Variants in CPPED1 observed in about 807,000 individuals in gnomAD.
CPPED1 encodes the protein serine/threonine-protein phosphatase CPPED1.
A neutral mutation model predicts 28.0 loss-of-function variants in CPPED1; 28 were observed. That is an observed-to-expected ratio of 1.00 (90% CI 0.74 to 1.37). The LOEUF (loss-of-function observed/expected upper bound fraction) is 1.37. Among genes scored for constraint, CPPED1 ranks in the 40% most tolerant of loss-of-function variants. CPPED1 has a pLI of 0.00. For synonymous variants in CPPED1, 198 were observed against 180.2 expected (o/e 1.10, Z -0.79); for missense variants, 504 against 416.5 (o/e 1.21, Z -1.83).
intron 3 of CPPED1, among the ~76,000 whole-genome samples, chr16:12,673,056 A>G (rs1439200458): frequency 6.6e-6 from 1 of 152,104 alleles, no homozygotes; most frequent in East Asian, 1.9e-4. Flanking sequence ...AAAAAGAAAC[A>G]TTAGGGCAAC....
intron 3 of CPPED1, among the ~76,000 whole-genome samples, chr16:12,700,054 G>A (rs112953208): frequency 7.2e-5 from 11 of 152,150 alleles, no homozygotes; most frequent in African/African-American, 1.9e-4. Flanking sequence ...CTCCACATCC[G>A]ACTCATATTT....
chr16:12,776,977 G>A (rs569650186), intron 2 of CPPED1, among the ~76,000 whole-genome samples: 10 of 152,270 alleles, frequency 6.6e-5, no homozygotes, highest in South Asian at 2.1e-4. Flanking sequence ...CCAGCCACGT[G>A]GAACTGTGAG....
At chr16:12,678,488 C>CG (rs1249260645) in intron 3 of CPPED1, among the ~76,000 whole-genome samples, 5 of 152,094 alleles carry the variant, frequency 3.3e-5, no homozygotes, top group Admixed American at 6.5e-5. Context: ...GTCGCTCAAT[C>CG]GGGGGGGAAA....
At chr16:12,731,685 C>A (rs9923127) in intron 2 of CPPED1, among the ~76,000 whole-genome samples, 1 of 151,372 alleles carries the variant, frequency 6.6e-6, no homozygotes, top group Non-Finnish European at 1.5e-5. Context: ...CTCCCTCCCC[C>A]GCATTTGTCA....
chr16:12,752,547 T>C (rs1170057301), intron 2 of CPPED1, among the ~76,000 whole-genome samples: 1 of 151,104 alleles, frequency 6.6e-6, no homozygotes, highest in African/African-American at 2.4e-5. Context: ...GTTAGAAGTC[T>C]ATCCTGGCAG....
chr16:12,792,877 T>C (rs1324274465), intron 1 of CPPED1, among the ~76,000 whole-genome samples: 2 of 152,296 alleles, frequency 1.3e-5, no homozygotes, highest in Non-Finnish European at 1.5e-5. Flanking sequence ...CTTTCCTTTA[T>C]AAATTACCCA....
intron 3 of CPPED1, among the ~76,000 whole-genome samples, chr16:12,671,859 G>A (rs2079854329): frequency 6.6e-6 from 1 of 152,146 alleles, no homozygotes; most frequent in Non-Finnish European, 1.5e-5. Context: ...CCTTCTCTAT[G>A]TCTAGATACA....
At chr16:12,677,065 T>C (rs2079881419) in intron 3 of CPPED1, among the ~76,000 whole-genome samples, 1 of 152,074 alleles carries the variant, frequency 6.6e-6, no homozygotes, top group African/African-American at 2.4e-5. Flanking sequence ...GAGAGTCAAG[T>C]GTGTCTAGGA....
intron 3 of CPPED1, among the ~76,000 whole-genome samples, chr16:12,699,800 G>C (rs1229609971): frequency 2.0e-5 from 3 of 152,032 alleles, no homozygotes; most frequent in African/African-American, 7.2e-5. Flanking sequence ...TGCCATGGGG[G>C]GAAGAAAACA....
chr16:12,724,411 G>A (rs1038255801), intron 2 of CPPED1, among the ~76,000 whole-genome samples: 2 of 152,150 alleles, frequency 1.3e-5, no homozygotes, highest in African/African-American at 4.8e-5. Flanking sequence ...ATAACCTCCT[G>A]ACCAGCCTGT....
rs61163755 is a variant in CPPED1, at chr16:12,660,497, A to ATGTGTGTGTGTG, written c.*4377_*4388dup. 3 of 145,426 alleles carry ATGTGTGTGTGTG rather than the reference A, an allele frequency of 2.1e-5. No homozygotes were observed. The highest frequency in any genetic ancestry group is 5.0e-5 in the African/African-American group (2 of 39,800). 9.0% of individuals were successfully genotyped at this position (145,426 alleles called of 1,614,324 possible). A position where few individuals can be genotyped will look rare whatever the true frequency, so the allele number is the denominator to read the frequency against. ...GAAAAGAATCCTCCACTTTTACTAT[A>ATGTGTGTGTGTG]TGTGTGTGTGTGTGTGTGTGTGTGT... On this transcript the variant is annotated 3_prime_UTR_variant, in exon 4 of 4. Transcript: ENST00000381774.
At chr16:12,684,009 G>A (rs879699586) in intron 3 of CPPED1, among the ~76,000 whole-genome samples, 8 of 152,102 alleles carry the variant, frequency 5.3e-5, no homozygotes, top group Admixed American at 1.3e-4. Context: ...GTTCCAAGGC[G>A]GAAGAAGAGG....
rs2079814954 is a variant in CPPED1, at chr16:12,664,690, T to G, written c.*196A>C. The G allele has an allele frequency of 7.0e-7, 1 of 1,426,226 alleles. No individual in the cohort carries two copies. The highest frequency in any genetic ancestry group is 1.5e-5 in the South Asian group (1 of 64,886). The allele number at this position is 1,426,226 out of a possible 1,614,324, so 88.3% of individuals were successfully genotyped here. A position where few individuals can be genotyped will look rare whatever the true frequency, so the allele number is the denominator to read the frequency against. ...CTGATTTCCAGGATCATTCGCTCCA[T>G]TTTAAAGGAAATGCAGTTCTATTTT... On this transcript the variant is annotated 3_prime_UTR_variant, in exon 4 of 4. Transcript: ENST00000381774. The surrounding 1 kb of genome is among the most constrained non-coding windows in gnomAD (Gnocchi z 4.2).
intron 2 of CPPED1, among the ~76,000 whole-genome samples, chr16:12,743,832 C>G (rs575377690): frequency 6.5e-4 from 99 of 152,088 alleles, no homozygotes; most frequent in African/African-American, 1.9e-3. Context: ...GATGAAACCC[C>G]ATCTCTACAA....
chr16:12,737,492 G>A (rs1390174832), intron 2 of CPPED1, among the ~76,000 whole-genome samples: 1 of 152,206 alleles, frequency 6.6e-6, no homozygotes, highest in Non-Finnish European at 1.5e-5. Flanking sequence ...CCCATGCAGG[G>A]ACCTGTCTGG....
At chr16:12,781,482 T>G (rs1050717991) in intron 1 of CPPED1, 79 bp from the exon 2 acceptor site, 2 of 1,256,086 alleles carry the variant, frequency 1.6e-6, no homozygotes, top group African/African-American at 3.0e-5. Flanking sequence ...CCATGCAAAG[T>G]GGATACACTA....
At chr16:12,781,481 G>A in intron 1 of CPPED1, 78 bp from the exon 2 acceptor site, 1 of 1,264,716 alleles carries the variant, frequency 7.9e-7, no homozygotes, top group Non-Finnish European at 1.1e-6. Flanking sequence ...CCCATGCAAA[G>A]TGGATACACT....
intron 3 of CPPED1, among the ~76,000 whole-genome samples, chr16:12,676,734 G>T (rs969625840): frequency 3.9e-5 from 6 of 152,044 alleles, no homozygotes; most frequent in Admixed American, 3.9e-4. Flanking sequence ...TGAGGCCTGA[G>T]GGGGCATCAT....
chr16:12,787,201 T>C (rs1386687951), intron 1 of CPPED1, among the ~76,000 whole-genome samples: 2 of 151,938 alleles, frequency 1.3e-5, no homozygotes, highest in Non-Finnish European at 2.9e-5. Context: ...GTGGAAGGAA[T>C]AAAAGAAAAA....
Sources: gnomAD v4.1 joint callset for allele counts (sites outside exome capture counted in the v4.1 genomes callset) on GRCh38, gnomAD v4.1.1 for gene constraint, Gnocchi (gnomAD v3.1) non-coding constraint, MANE v1.5 for transcripts, NCBI Gene and HGNC (gene_info 2026-07-23, HGNC 2026-07-21) for gene names.